The following MAP3K13 variants were observed in gnomAD, a reference collection of about 807,000 sequenced individuals.
The protein encoded by MAP3K13 is leucine zipper-bearing kinase.
Under a neutral mutation model 104.0 loss-of-function variants are expected in MAP3K13, and 52 were observed. That is an observed-to-expected ratio of 0.50 (90% CI 0.40 to 0.63). The LOEUF is 0.63. Ranked by LOEUF, MAP3K13 falls within the 20% of genes least tolerant of loss-of-function variation. MAP3K13 has a pLI of 0.00. For synonymous variants in MAP3K13, 394 were observed against 442.2 expected (o/e 0.89, Z 1.37); for missense variants, 914 against 1,218.5 (o/e 0.75, Z 3.72).
chr3:185,426,180 G>T (rs998471309), intron 1 of MAP3K13, among the ~76,000 whole-genome samples: 7 of 151,976 alleles, frequency 4.6e-5, no homozygotes, highest in Non-Finnish European at 7.4e-5. Flanking sequence ...TGCTGGGTTC[G>T]AGCAATTCTC....
rs189262687 is a variant in MAP3K13, at chr3:185,480,403, G to A, written c.2673G>A (p.Gln891=). The change falls in exon 13 of 14, where the codon CAG becomes CAA. Residue 891 remains glutamine, a synonymous_variant. Transcript: ENST00000265026. ...AGAAGCTAGACGACCTGCTGTCCCA[G>A]ACGCCAGAGATTCCCATTGACATAT... ...LAEKLDDLLS[Q]TPEIPIDISS... The A allele has an allele frequency of 9.9e-6, 16 of 1,614,220 alleles. No individual in the cohort carries two copies. The Admixed American group carries it at 1.8e-4, about 18-fold the overall frequency.
intron 1 of MAP3K13, among the ~76,000 whole-genome samples, chr3:185,395,943 T>G (rs1047773426): frequency 3.3e-5 from 5 of 152,110 alleles, no homozygotes; most frequent in African/African-American, 1.2e-4. Flanking sequence ...TCTCCCAAAG[T>G]GTTGGGATTA....
At chr3:185,355,757 GA>G (rs545924043) in intron 2 of MAP3K13, among the ~76,000 whole-genome samples, 162 of 150,940 alleles carry the variant, frequency 1.1e-3, no homozygotes, top group Non-Finnish European at 1.6e-3. Context: ...GAGAGAAATA[GA>G]AAAAAAAATT....
At chr3:185,405,718 T>C (rs1713077627) in intron 1 of MAP3K13, among the ~76,000 whole-genome samples, 1 of 152,238 alleles carries the variant, frequency 6.6e-6, no homozygotes. Context: ...AACTCAATCA[T>C]AGTTGCTGCT....
chr3:185,348,680 A>G, intron 2 of MAP3K13, among the ~76,000 whole-genome samples: 1 of 152,138 alleles, frequency 6.6e-6, no homozygotes, highest in Non-Finnish European at 1.5e-5. Flanking sequence ...GCACTTTGGG[A>G]GGCCGAGGCG....
At chr3:185,454,430 G>GAGAT (rs1716158113) in intron 7 of MAP3K13, among the ~76,000 whole-genome samples, 1 of 12,770 alleles carries the variant, frequency 7.8e-5, no homozygotes, top group South Asian at 2.7e-3. Flanking sequence ...AGATATATAT[G>GAGAT]ATATATATGA....
chr3:185,310,174 G>A (rs1721446639), intron 2 of MAP3K13, among the ~76,000 whole-genome samples: 1 of 152,184 alleles, frequency 6.6e-6, no homozygotes, highest in Non-Finnish European at 1.5e-5. Flanking sequence ...CTAGAGGAAG[G>A]TGCACAGAAG....
chr3:185,481,749 T>C lies in MAP3K13; in HGVS notation c.2800-606T>C, dbSNP rs545848484. 1.2e-4 allele frequency among the ~76,000 whole-genome samples: 19 copies of C among 152,308 alleles called. No individual in the cohort carries two copies. In the South Asian group the frequency reaches 3.7e-3, roughly 30 times the overall value. On this transcript the variant is annotated intron_variant, in intron 13 of 13. Coordinates refer to ENST00000265026, the MANE Select transcript of MAP3K13 (RefSeq NM_004721.5). ...GGGGATGATAATAGCATCTGTCTCATAGTGTTATCATGAGGACTAAATGGA... is the reference window on the plus strand; with the variant it reads ...GGGGATGATAATAGCATCTGTCTCACAGTGTTATCATGAGGACTAAATGGA...
At position 185,418,729 on chromosome 3, in the gene MAP3K13, G is replaced by A; in HGVS notation, c.-85-9768G>A. ...AGGCTAAGTGACATTTTTGCCAGAT[G>A]ACTCCCCCTTTTCGGAGTACACCGA... On this transcript the variant is annotated intron_variant, in intron 1 of 13. Coordinates refer to ENST00000265026, the MANE Select transcript of MAP3K13 (RefSeq NM_004721.5). This position sits in a 1 kb window ranked among gnomAD's most constrained non-coding sequence, Gnocchi z 4.5. 6.2e-7 allele frequency: 1 copy of A among 1,610,316 alleles called. No individual in the cohort carries two copies.
rs929548002 is a variant in MAP3K13 at position 185,363,163 on chromosome 3, C to A, written c.-291C>A. 1 of 985,122 alleles carries A rather than the reference C, an allele frequency of 1.0e-6. No individual in the cohort carries two copies. The highest frequency in any genetic ancestry group is 1.7e-5 in the African/African-American group (1 of 57,248). The allele number at this position is 985,122 out of a possible 1,614,324, so 61.0% of individuals were successfully genotyped here. On this transcript the variant is annotated 5_prime_UTR_variant, in exon 1 of 14. Coordinates refer to ENST00000265026, the MANE Select transcript of MAP3K13 (RefSeq NM_004721.5). ...GACACACACCACAGCGAAGTCTGTGCGGAATCCTAAACCAGCCCAATTTAC... is the reference window on the plus strand; with the variant it reads ...GACACACACCACAGCGAAGTCTGTGAGGAATCCTAAACCAGCCCAATTTAC...
At chr3:185,455,156 A>T (rs1251597034) in intron 7 of MAP3K13, among the ~76,000 whole-genome samples, 1 of 51,280 alleles carries the variant, frequency 2.0e-5, no homozygotes, top group South Asian at 6.9e-4. Flanking sequence ...TGTGAGATAT[A>T]TATGATATAT....
chr3:185,437,734 A>G, intron 3 of MAP3K13, 104 bp downstream of exon 3: 2 of 1,151,092 alleles, frequency 1.7e-6, no homozygotes, highest in Non-Finnish European at 2.5e-6. Flanking sequence ...CATTCTCTAG[A>G]CTTAGCACTG....
chr3:185,346,616 C>T (rs558596631), intron 2 of MAP3K13, among the ~76,000 whole-genome samples: 2 of 152,158 alleles, frequency 1.3e-5, no homozygotes, highest in African/African-American at 2.4e-5. Flanking sequence ...GTGATGAAGT[C>T]CTTGTAGCTA....
At chr3:185,379,430 G>C (rs1388547266) in intron 1 of MAP3K13, among the ~76,000 whole-genome samples, 5 of 152,148 alleles carry the variant, frequency 3.3e-5, no homozygotes, top group Admixed American at 6.5e-5. Context: ...GAGAGAGGTT[G>C]GAGAAGAGAG....
intron 1 of MAP3K13, among the ~76,000 whole-genome samples, chr3:185,395,409 A>T (rs1712336360): frequency 1.9e-5 from 1 of 51,732 alleles, no homozygotes; most frequent in Non-Finnish European, 3.3e-5. Flanking sequence ...CCCAGGCTGG[A>T]GTGCAGTGGT....
intron 1 of MAP3K13, among the ~76,000 whole-genome samples, chr3:185,394,175 G>T (rs1712244589): frequency 6.6e-6 from 1 of 152,138 alleles, no homozygotes; most frequent in Admixed American, 6.5e-5. Flanking sequence ...AAGTAACAAA[G>T]GAGAACAGGA....
intron 2 of MAP3K13, among the ~76,000 whole-genome samples, chr3:185,324,241 A>G (rs1018172364): frequency 4.6e-5 from 7 of 151,844 alleles, no homozygotes; most frequent in African/African-American, 1.7e-4. Context: ...GATGGTCTCT[A>G]TCTCCTGACC....
chr3:185,399,463 C>T (rs1174483066), intron 1 of MAP3K13, among the ~76,000 whole-genome samples: 1 of 151,464 alleles, frequency 6.6e-6, no homozygotes, highest in Non-Finnish European at 1.5e-5. Flanking sequence ...AAAATTTTAG[C>T]CGGGCGTGGT....
intron 1 of MAP3K13, among the ~76,000 whole-genome samples, chr3:185,414,477 C>T (rs954841745): frequency 7.2e-5 from 11 of 152,176 alleles, no homozygotes; most frequent in African/African-American, 2.7e-4. Flanking sequence ...AAATAGAAGG[C>T]ATGGCCCAGT....
Sources: allele counts gnomAD v4.1 joint callset (sites outside exome capture counted in the v4.1 genomes callset), GRCh38; gene constraint gnomAD v4.1.1; non-coding constraint Gnocchi (gnomAD v3.1); transcripts MANE v1.5; gene names NCBI Gene and HGNC (gene_info 2026-07-23, HGNC 2026-07-21).